Variants in ZNF814 observed in about 807,000 individuals in gnomAD.
The protein encoded by ZNF814 is zinc finger protein 814.
Under a neutral mutation model 7.5 loss-of-function variants are expected in ZNF814, and 5 were observed. That is an observed-to-expected ratio of 0.67 (90% CI 0.35 to 1.40). The LOEUF (loss-of-function observed/expected upper bound fraction) is 1.40, where lower values mean the gene tolerates loss of function less well. Among genes scored for constraint, ZNF814 ranks in the 40% most tolerant of loss-of-function variants. The pLI, the probability that ZNF814 is intolerant of heterozygous loss-of-function variation, is 0.04. For synonymous variants in ZNF814, 315 were observed against 340.7 expected, an observed-to-expected ratio of 0.92 and a Z score of 0.83; for missense variants, 962 against 1,018.0, an observed-to-expected ratio of 0.94 and a Z score of 0.75.
At chr19:57,888,719 T>C (rs1424351672) in intron 1 of ZNF814, 48 bp downstream of exon 1, 6 of 1,551,240 alleles carry the variant, frequency 3.9e-6, no homozygotes, top group Middle Eastern at 1.7e-4. Context: ...CTCGCTGCTT[T>C]TGGGTGACGA....
chr19:57,887,711 C>A (rs1210302556), intron 1 of ZNF814, among the ~76,000 whole-genome samples: 1 of 152,076 alleles, frequency 6.6e-6, no homozygotes, highest in Non-Finnish European at 1.5e-5. Flanking sequence ...CTTGTGTAAG[C>A]AGATTCTCAA....
rs780640456 is a variant in ZNF814, at chr19:57,873,561, C to T, written c.1829G>A (p.Gly610Glu). 9 of 1,611,452 alleles carry T rather than the reference C, an allele frequency of 5.6e-6. No homozygotes were observed. Among genetic ancestry groups the T allele is most frequent in the Non-Finnish European group, 7.6e-6 (9 of 1,179,034 alleles). ...GCTGCGCTTATGACTAAAAGATTTC[C>T]CACATTCTCCACACTCATAAGGCCT... The part of the protein sequence containing the change: ...GERPYECGEC[G>E]KSFSHKRSLV... Residue 610 changes from glycine to glutamate, a missense_variant, in exon 3 of 3, where the codon GGG becomes GAG. Physicochemically the swap from Gly to Glu is moderately conservative, Grantham distance 98. Transcript: ENST00000435989.
At position 57,873,738 on chromosome 19, in the gene ZNF814, C is replaced by A; in HGVS notation, c.1652G>T (p.Gly551Val). ...IHTGDRLYECGECGKSFSHKG... is the reference protein window; with the variant it reads ...IHTGDRLYECVECGKSFSHKG... ...ATGACTAAAAGATTTCCCACACTCT[C>A]CACACTCATAAAGTCTGTCCCCAGT... The change falls in exon 3 of 3, where the codon GGA becomes GTA. Residue 551 changes from glycine (G) to valine (V), a missense_variant. Transcript: ENST00000435989. The A allele has an allele frequency of 6.2e-7, 1 of 1,613,482 alleles. No homozygotes were observed. Among genetic ancestry groups the A allele is most frequent in the South Asian group, 1.1e-5 (1 of 91,000 alleles).
At chr19:57,899,919 A>G in the ZNF814 span, among the ~76,000 whole-genome samples, 8 of 152,384 alleles carry the variant, frequency 5.2e-5, no homozygotes, top group South Asian at 1.7e-3. Context: ...TTACAGTTCC[A>G]GTAAACAAAC....
intron 2 of ZNF814, among the ~76,000 whole-genome samples, chr19:57,875,846 G>A (rs1387817810): frequency 6.6e-6 from 1 of 151,206 alleles, no homozygotes; most frequent in Non-Finnish European, 1.5e-5. Context: ...AATTATGTGT[G>A]CCTACTTGCC....
At chr19:57,893,418 C>G (rs1025792964), upstream of ZNF814, among the ~76,000 whole-genome samples, 1 of 151,706 alleles carries the variant, frequency 6.6e-6, no homozygotes, top group Non-Finnish European at 1.5e-5. Flanking sequence ...AGGTGATCTG[C>G]CCGCCTGGGC....
rs768952642 is a variant in ZNF814 at position 57,874,838 on chromosome 19, T to C, written c.552A>G (p.Gly184=). Residue 184 remains glycine, a synonymous_variant, in exon 3 of 3, where the codon GGA becomes GGG. Coordinates refer to ENST00000435989, the MANE Select transcript of ZNF814 (RefSeq NM_001144989.2). ...ESGKDFLPRS[G]LLQQEASHTG... is the part of the protein sequence containing the mutation. Reference sequence around the variant, plus strand: ...TGTGACTGGCCTCCTGCTGGAGTAATCCTGACCTGGGCAAAAAGTCCTTCC... The same window carrying C: ...TGTGACTGGCCTCCTGCTGGAGTAACCCTGACCTGGGCAAAAAGTCCTTCC... 4.3e-6 allele frequency: 7 copies of C among 1,614,136 alleles called. No individual in the cohort carries two copies. The East Asian group carries it at 1.1e-4, about 26-fold the overall frequency.
Position 57,872,866 on chromosome 19 carries a change from G to A in ZNF814, c.2524C>T (p.His842Tyr). 1 of 1,612,370 alleles carries A rather than the reference G, an allele frequency of 6.2e-7. No individual in the cohort carries two copies. The highest frequency in any genetic ancestry group is 8.5e-7 in the Non-Finnish European group (1 of 1,179,438). ...TGTGAACTCTGGTGTACAAGGAGGT[G>A]AGACTTCTTGTTAAATAATTTCCCA... Reference protein sequence around the residue: ...KCGKLFNKKSHLLVHQSSHWR... With the variant: ...KCGKLFNKKSYLLVHQSSHWR... The change falls in exon 3 of 3, where the codon CAC becomes TAC. Residue 842 changes from histidine to tyrosine, a missense_variant. Physicochemically the swap from His to Tyr is moderately conservative, Grantham distance 83. This residue lies in a region of ZNF814 where 665 missense variants were observed against 551.4 expected (regional missense o/e 1.21). Transcript: ENST00000435989.
intron 1 of ZNF814, among the ~76,000 whole-genome samples, chr19:57,877,396 C>G (rs991106045): frequency 6.6e-6 from 1 of 152,170 alleles, no homozygotes; most frequent in Non-Finnish European, 1.5e-5. Context: ...GTGACTGCCA[C>G]ACACCACTGG....
upstream of ZNF814, among the ~76,000 whole-genome samples, chr19:57,889,838 G>T (rs1011549531): frequency 1.3e-5 from 2 of 152,078 alleles, no homozygotes; most frequent in Non-Finnish European, 2.9e-5. Context: ...ACTCCAGCCT[G>T]GGTGACACAG....
intron 1 of ZNF814, among the ~76,000 whole-genome samples, chr19:57,880,588 C>A (rs1001255448): frequency 6.9e-6 from 1 of 144,626 alleles, no homozygotes; most frequent in Admixed American, 6.9e-5. Context: ...CCCATCATAC[C>A]CTTAACAGAA....
upstream of ZNF814, among the ~76,000 whole-genome samples, chr19:57,892,953 T>C (rs1251558736): frequency 6.6e-6 from 1 of 152,200 alleles, no homozygotes; most frequent in Non-Finnish European, 1.5e-5. Flanking sequence ...GCCTGTTAGA[T>C]ATTCCAGGCG....
chr19:57,900,160 G>C, the ZNF814 span: 1 of 152,080 alleles, frequency 6.6e-6, no homozygotes, highest in South Asian at 2.1e-4. Flanking sequence ...TCAACAACAA[G>C]TTTTTCAAAC....
At position 57,876,981 on chromosome 19, in the gene ZNF814, C is replaced by A. The variant is rs2071612030; in HGVS notation, c.98G>T (p.Ser33Ile). 1 of 1,614,044 alleles carries A rather than the reference C, an allele frequency of 6.2e-7. No homozygotes were observed. Among genetic ancestry groups the A allele is most frequent in the African/African-American group, 1.3e-5 (1 of 74,904 alleles). Residue 33 changes from serine (S) to isoleucine (I), a missense_variant, in exon 2 of 3, where the codon AGT (serine) becomes ATT (isoleucine). Physicochemically the swap from Ser to Ile is moderately radical, Grantham distance 142 (BLOSUM62 -2). This residue lies in a region of ZNF814 where 63 missense variants were observed against 65.0 expected (regional missense o/e 0.97). Coordinates refer to ENST00000435989, the MANE Select transcript of ZNF814 (RefSeq NM_001144989.2). Reference sequence around the variant, plus strand: ...ACGGTACAGGCATCTCTGAGCCTCACTAAGGAGATTCCATTCCTCCCAGGT... The same window carrying A: ...ACGGTACAGGCATCTCTGAGCCTCAATAAGGAGATTCCATTCCTCCCAGGT... ...NFTWEEWNLL[S>I]EAQRCLYRDV...
chr19:57,900,864 T>TTTTTTTTTTTTTC, the ZNF814 span, among the ~76,000 whole-genome samples: 4 of 104,838 alleles, frequency 3.8e-5, no homozygotes, highest in African/African-American at 1.4e-4. Context: ...TTTTTTTTTT[T>TTTTTTTTTTTTTC]TGAGACGGAG....
At chr19:57,904,340 T>C in the ZNF814 span, among the ~76,000 whole-genome samples, 128 of 152,256 alleles carry the variant, frequency 8.4e-4, 1 homozygote, top group Admixed American at 8.3e-3. Context: ...GCTCAGGGCC[T>C]TTGCAGCCTC....
chr19:57,898,797 C>G, the ZNF814 span, among the ~76,000 whole-genome samples: 1 of 151,880 alleles, frequency 6.6e-6, no homozygotes, highest in South Asian at 2.1e-4. Flanking sequence ...AAACATTAGC[C>G]GGGTGTGGCG....
chr19:57,895,994 T>C, the ZNF814 span, among the ~76,000 whole-genome samples: 1 of 152,110 alleles, frequency 6.6e-6, no homozygotes, highest in African/African-American at 2.4e-5. Context: ...TTATACATAG[T>C]GTCAGGAATA....
At chr19:57,896,832 AC>A in the ZNF814 span, among the ~76,000 whole-genome samples, 1 of 152,228 alleles carries the variant, frequency 6.6e-6, no homozygotes, top group Non-Finnish European at 1.5e-5. The surrounding 1 kb of genome is among the most constrained non-coding windows in gnomAD (Gnocchi z 4.2). Context: ...CTCAGTACTT[AC>A]AGTTTAAAAC....
Sources: gnomAD v4.1 joint callset for allele counts (sites outside exome capture counted in the v4.1 genomes callset) on GRCh38, gnomAD v4.1.1 for gene constraint, gnomAD v4.1.1 regional missense constraint, Gnocchi (gnomAD v3.1) non-coding constraint, MANE v1.5 for transcripts, NCBI Gene and HGNC (gene_info 2026-07-23, HGNC 2026-07-21) for gene names.